Variants in TRIM71 observed in about 807,000 individuals in gnomAD.
The protein encoded by TRIM71 is tripartite motif containing 71, also known as E3 ubiquitin-protein ligase TRIM71.
In TRIM71, 9 loss-of-function variants were observed where a neutral mutation model predicts 61.2. The ratio of observed to expected loss-of-function variants is 0.15; its 90% CI spans 0.09 to 0.26. TRIM71 has a LOEUF of 0.26. TRIM71 is among the 10% of genes least tolerant of loss of function. TRIM71 has a pLI of 1.00. For missense variants in TRIM71, 998 were observed against 1,238.7 expected, an observed-to-expected ratio of 0.81 and a Z score of 2.92; for synonymous variants, 645 against 553.2, an observed-to-expected ratio of 1.17 and a Z score of -2.33.
intron 1 of TRIM71, among the ~76,000 whole-genome samples, chr3:32,862,982 A>G (rs1436562542): frequency 6.6e-6 from 1 of 152,158 alleles, no homozygotes; most frequent in East Asian, 1.9e-4. Context: ...TAATGGGAAC[A>G]TTGTGGAAAA....
intron 2 of TRIM71, among the ~76,000 whole-genome samples, chr3:32,876,391 C>G (rs1230416539): frequency 6.6e-6 from 1 of 152,148 alleles, no homozygotes; most frequent in Non-Finnish European, 1.5e-5. Flanking sequence ...CGAGACCAGC[C>G]TGGCCAACAT....
chr3:32,871,828 C>G (rs1311027036), intron 1 of TRIM71, among the ~76,000 whole-genome samples: 2 of 152,202 alleles, frequency 1.3e-5, no homozygotes. Context: ...AGTTACAAAC[C>G]TTACCACATT....
rs1367543168 is a variant in TRIM71 at position 32,818,377 on chromosome 3, G to A, written c.297G>A (p.Val99=). 3.4e-6 allele frequency: 5 copies of A among 1,478,502 alleles called. No homozygotes were observed. In the African/African-American group the frequency reaches 4.4e-5, roughly 13 times the overall value. The allele number at this position is 1,478,502 out of a possible 1,614,324, so 91.6% of individuals were successfully genotyped here. Residue 99 remains valine, a synonymous_variant, in exon 1 of 4, where the codon GTG becomes GTA. Coordinates refer to ENST00000383763, the MANE Select transcript of TRIM71 (RefSeq NM_001039111.3). ...GCCCCGTGTGCGACCAGAAAGTAGTGCTAGCCGAGGCGGCGGGTATGGACG... is the reference window on the plus strand; with the variant it reads ...GCCCCGTGTGCGACCAGAAAGTAGTACTAGCCGAGGCGGCGGGTATGGACG... ...LRCPVCDQKV[V]LAEAAGMDAL... is the part of the protein sequence containing the mutation.
rs764108215 is a variant in TRIM71, at chr3:32,818,224, C to T, written c.144C>T (p.Gly48=). 1.3e-6 allele frequency: 2 copies of T among 1,524,336 alleles called. No homozygotes were observed. Among genetic ancestry groups the T allele is most frequent in the South Asian group, 1.2e-5 (1 of 81,690 alleles). The allele number at this position is 1,524,336 out of a possible 1,614,324, so 94.4% of individuals were successfully genotyped here. The change falls in exon 1 of 4, where the codon GGC becomes GGT. Residue 48 remains glycine (G), a synonymous_variant. Transcript: ENST00000383763. Reference sequence around the variant, plus strand: ...CGTCGTCGGGGGGCGGCGGCGGGGGCCCTGGGGCGGCGGCGCGCCGCCTAC... The same window carrying T: ...CGTCGTCGGGGGGCGGCGGCGGGGGTCCTGGGGCGGCGGCGCGCCGCCTAC... ...TSTSSGGGGG[G]PGAAARRLHV...
intron 1 of TRIM71, among the ~76,000 whole-genome samples, chr3:32,833,378 G>C (rs890899341): frequency 8.6e-5 from 13 of 152,014 alleles, no homozygotes; most frequent in Non-Finnish European, 1.6e-4. Context: ...GAACAAAATA[G>C]TCCCACATCC....
intron 2 of TRIM71, 44 bp from the exon 3 acceptor site, chr3:32,885,890 C>T (rs767593422): frequency 1.9e-6 from 3 of 1,593,182 alleles, no homozygotes; most frequent in Non-Finnish European, 2.6e-6. Context: ...TAAGGAATGA[C>T]AGTCCTTCTA....
intron 1 of TRIM71, among the ~76,000 whole-genome samples, chr3:32,834,583 T>G (rs1267878735): frequency 6.6e-6 from 1 of 152,150 alleles, no homozygotes; most frequent in Non-Finnish European, 1.5e-5. Flanking sequence ...TTTCATTTTC[T>G]TATAAAAGGA....
rs56834147 is a variant in TRIM71 at position 32,888,434 on chromosome 3, CAAAAAAAAAAAAAAAAAAAAAA to C, written c.1156-1908_1156-1887del. Among the ~76,000 whole-genome samples, 512 of 95,854 alleles carry C rather than the reference CAAAAAAAAAAAAAAAAAAAAAA, an allele frequency of 5.3e-3. 14 individuals are homozygous for C. The highest frequency in any genetic ancestry group is 0.011 in the African/African-American group (240 of 22,438). 62.9% of individuals were successfully genotyped at this position (95,854 alleles called of 152,430 possible). On this transcript the variant is annotated intron_variant, in intron 3 of 3. Transcript: ENST00000383763. ...GGCAACATTAAGACCCCATCTCTAC[CAAAAAAAAAAAAAAAAAAAAAA>C]AAAAAAAAAAAAAAAAAGGTGCCCT...
intron 1 of TRIM71, among the ~76,000 whole-genome samples, chr3:32,844,880 C>T (rs1230716723): frequency 6.6e-6 from 1 of 152,178 alleles, no homozygotes; most frequent in Admixed American, 6.6e-5. Flanking sequence ...TTCCGTACTT[C>T]CAAAGTTCCC....
chr3:32,884,106 G>T (rs999389572), intron 2 of TRIM71, among the ~76,000 whole-genome samples: 8 of 152,076 alleles, frequency 5.3e-5, no homozygotes, highest in South Asian at 4.1e-4. Context: ...CACGGGTGGT[G>T]TGCTTTTTTG....
chr3:32,849,093 AGG>A (rs1696509043), intron 1 of TRIM71, among the ~76,000 whole-genome samples: 1 of 152,234 alleles, frequency 6.6e-6, no homozygotes, highest in Non-Finnish European at 1.5e-5. Context: ...CTAAGTGGAC[AGG>A]GGACTTAAGG....
chr3:32,833,401 T>C (rs1039357266), intron 1 of TRIM71, among the ~76,000 whole-genome samples: 3 of 151,994 alleles, frequency 2.0e-5, no homozygotes, highest in Non-Finnish European at 2.9e-5. Context: ...CAGGCCCTTG[T>C]AGACTTCACA....
chr3:32,856,864 C>A (rs1349369470), intron 1 of TRIM71, among the ~76,000 whole-genome samples: 1 of 152,214 alleles, frequency 6.6e-6, no homozygotes, highest in Non-Finnish European at 1.5e-5. Flanking sequence ...CTTTCTGGAA[C>A]TGCCACGGAC....
chr3:32,840,225 AC>A (rs1399187285), intron 1 of TRIM71, among the ~76,000 whole-genome samples: 1 of 142,408 alleles, frequency 7.0e-6, no homozygotes, highest in Non-Finnish European at 1.5e-5. Context: ...CCTTTTCCCC[AC>A]CCCCCTTCCC....
chr3:32,882,339 A>C (rs1000370767), intron 2 of TRIM71, among the ~76,000 whole-genome samples: 1 of 152,088 alleles, frequency 6.6e-6, no homozygotes, highest in Non-Finnish European at 1.5e-5. Context: ...CCTTGGTGAA[A>C]TATTAGCTTG....
chr3:32,873,889 C>T lies in TRIM71; in HGVS notation c.924C>T (p.Gly308=), dbSNP rs779408036. The T allele has an allele frequency of 7.4e-6, 12 of 1,613,988 alleles. No individual in the cohort carries two copies. The highest frequency in any genetic ancestry group is 1.1e-5 in the South Asian group (1 of 91,060). ...AGTGCACAATGGGCCGGCATGGGGG[C>T]CACAGCTTCATCTACCTCCAGGAGG... is the stretch of plus-strand genomic sequence containing the variant. ...CRECTMGRHG[G]HSFIYLQEAL... The change falls in exon 2 of 4, where the codon GGC becomes GGT. Residue 308 remains glycine, a synonymous_variant. Transcript: ENST00000383763.
chr3:32,837,922 A>C (rs1696354154), intron 1 of TRIM71, among the ~76,000 whole-genome samples: 2 of 152,216 alleles, frequency 1.3e-5, no homozygotes, highest in Non-Finnish European at 2.9e-5. Flanking sequence ...CCACAATGCA[A>C]ATGGCCAGGG....
intron 1 of TRIM71, among the ~76,000 whole-genome samples, chr3:32,827,473 G>A (rs955188195): frequency 7.9e-5 from 12 of 151,928 alleles, no homozygotes; most frequent in South Asian, 2.1e-4. Flanking sequence ...TATTGGCCAG[G>A]CTGGTCTCGA....
At chr3:32,821,117 C>G (rs1348705269) in intron 1 of TRIM71, among the ~76,000 whole-genome samples, 1 of 152,090 alleles carries the variant, frequency 6.6e-6, no homozygotes, top group African/African-American at 2.4e-5. Context: ...AATTCCTTTT[C>G]TTTTGATCTC....
Sources: gnomAD v4.1 joint callset for allele counts (sites outside exome capture counted in the v4.1 genomes callset) on GRCh38, gnomAD v4.1.1 for gene constraint, MANE v1.5 for transcripts, NCBI Gene and HGNC (gene_info 2026-07-23, HGNC 2026-07-21) for gene names.